CD9: variants seen among roughly 807,000 people sequenced by gnomAD.
CD9 encodes CD9 antigen.
CD9 carries 10 observed loss-of-function variants against 31.4 expected under a neutral mutation model. The ratio of observed to expected loss-of-function variants is 0.32; its 90% CI spans 0.20 to 0.54. The LOEUF is 0.54. Ranked by LOEUF, CD9 falls within the 20% of genes least tolerant of loss-of-function variation. The probability of loss-of-function intolerance (pLI) is 0.94; values close to 1 mark genes in which losing one functional copy is unlikely to be tolerated. For missense variants in CD9, 259 were observed against 300.1 expected (o/e 0.86, Z 1.01); for synonymous variants, 113 against 114.1 (o/e 0.99, Z 0.06).
chr12:6,224,244 T>C (rs1344365643), intron 1 of CD9, among the ~76,000 whole-genome samples: 1 of 152,200 alleles, frequency 6.6e-6, no homozygotes, highest in Non-Finnish European at 1.5e-5. Flanking sequence ...GGGCCGCATC[T>C]CACAATCCCT....
intron 2 of CD9, among the ~76,000 whole-genome samples, chr12:6,231,534 AG>A (rs2136634650): frequency 6.6e-6 from 1 of 152,330 alleles, no homozygotes; most frequent in Non-Finnish European, 1.5e-5. Context: ...TTAAGGGAAT[AG>A]TCCCTGCAGG....
rs11568209 is a variant in CD9, at chr12:6,210,925, C to A, written c.66+10360C>A. ...GGTCTTGGGTCACTGCAACCTCTGC[C>A]TCCTGGGTTCAAGCGATTGAACAGC... On this transcript the variant is annotated intron_variant, in intron 1 of 7. Transcript: ENST00000009180. 2.4e-3 allele frequency among the ~76,000 whole-genome samples: 358 copies of A among 151,690 alleles called. 8 individuals carry two copies. In the East Asian group the frequency reaches 0.049, roughly 21 times the overall value.
At chr12:6,230,644 G>C (rs1483805609) in intron 2 of CD9, among the ~76,000 whole-genome samples, 1 of 152,190 alleles carries the variant, frequency 6.6e-6, no homozygotes, top group Non-Finnish European at 1.5e-5. Flanking sequence ...CCTTTCTACT[G>C]TCCCCATGTG....
At chr12:6,231,000 C>T (rs1377960642) in intron 2 of CD9, among the ~76,000 whole-genome samples, 1 of 152,204 alleles carries the variant, frequency 6.6e-6, no homozygotes, top group Non-Finnish European at 1.5e-5. Flanking sequence ...CCTGCAAAGT[C>T]TCACCCCTGC....
intron 1 of CD9, among the ~76,000 whole-genome samples, chr12:6,222,518 G>T (rs891699474): frequency 3.3e-5 from 5 of 152,214 alleles, no homozygotes; most frequent in African/African-American, 1.2e-4. Flanking sequence ...ATGATGTAAG[G>T]TTTAAGGTGG....
At chr12:6,233,877 C>CAAGT (rs1404930156) in intron 4 of CD9, among the ~76,000 whole-genome samples, 14 of 151,036 alleles carry the variant, frequency 9.3e-5, no homozygotes, top group African/African-American at 3.2e-4. Context: ...ATAACATGTT[C>CAAGT]AAGTGCTGCC....
At position 6,200,615 on chromosome 12, in the gene CD9, G is replaced by C. The variant is rs144230931; in HGVS notation, c.66+50G>C. On this transcript the variant is annotated intron_variant, in intron 1 of 7. Transcript: ENST00000009180. ...CTCCTCTCAGGGCCCACCTGTTCGC[G>C]GGCCCCGGACACTGGCCGCGGCCGC... The C allele has an allele frequency of 9.9e-3, 13,291 of 1,341,530 alleles. 160 individuals carry two copies. The highest frequency in any genetic ancestry group is 0.043 in the Middle Eastern group (236 of 5,484). The allele number at this position is 1,341,530 out of a possible 1,614,324, so 83.1% of individuals were successfully genotyped here.
chr12:6,216,985 T>G (rs952161004), intron 1 of CD9, among the ~76,000 whole-genome samples: 5 of 152,196 alleles, frequency 3.3e-5, no homozygotes, highest in African/African-American at 1.2e-4. Context: ...TTTAATCCTC[T>G]CCTTCAACCT....
intron 1 of CD9, among the ~76,000 whole-genome samples, chr12:6,210,226 G>A (rs546004335): frequency 2.6e-5 from 4 of 152,324 alleles, no homozygotes; most frequent in South Asian, 4.1e-4. Context: ...CTGTTTTCAC[G>A]GGGGATGGAA....
rs1276738522 is a variant in CD9, at chr12:6,232,664, A to G, written c.208A>G (p.Met70Val). Residue 70 changes from methionine (M) to valine (V), a missense_variant, in exon 3 of 8, where the codon ATG becomes GTG. Coordinates refer to ENST00000009180, the MANE Select transcript of CD9 (RefSeq NM_001769.4). The surrounding 1 kb of genome is among the most constrained non-coding windows in gnomAD (Gnocchi z 4.8). The stretch of plus-strand genomic sequence containing the variant: ...TATTCTGATCGGAGCCGGCGCCCTC[A>G]TGATGCTGGTGGGCTTCCTGGGCTG... ...VYILIGAGAL[M>V]MLVGFLGCCG... 1.3e-6 allele frequency: 2 copies of G among 1,581,640 alleles called. No homozygotes were observed. Among genetic ancestry groups the G allele is most frequent in the Non-Finnish European group, 1.7e-6 (2 of 1,166,418 alleles).
At chr12:6,220,714 T>C (rs1329785906) in intron 1 of CD9, among the ~76,000 whole-genome samples, 1 of 152,218 alleles carries the variant, frequency 6.6e-6, no homozygotes, top group Non-Finnish European at 1.5e-5. Context: ...TTCTTTATTA[T>C]TGTTTTATAC....
chr12:6,233,455 C>A lies in CD9; in HGVS notation c.317C>A (p.Ala106Glu). 2 of 1,613,980 alleles carry A rather than the reference C, an allele frequency of 1.2e-6. No individual in the cohort carries two copies. The highest frequency in any genetic ancestry group is 1.1e-5 in the South Asian group (1 of 91,072). The change falls in exon 4 of 8, where the codon GCG becomes GAG. Residue 106 changes from alanine (A) to glutamate (E), a missense_variant. Physicochemically the swap from Ala to Glu is moderately radical, Grantham distance 107. Coordinates refer to ENST00000009180, the MANE Select transcript of CD9 (RefSeq NM_001769.4). ...LLVIFAIEIA[A>E]AIWGYSHKDE... ...GTGATATTCGCCATTGAAATAGCTG[C>A]GGCCATCTGGGGATATTCCCACAAG...
At chr12:6,225,581 A>C in intron 2 of CD9, 47 bp downstream of exon 2, 1 of 1,267,038 alleles carries the variant, frequency 7.9e-7, no homozygotes, top group Non-Finnish European at 1.2e-6. Flanking sequence ...GGCTCCAACA[A>C]AGTTCCTGCA....
chr12:6,207,436 A>G (rs1946145129), intron 1 of CD9, among the ~76,000 whole-genome samples: 1 of 152,244 alleles, frequency 6.6e-6, no homozygotes, highest in Non-Finnish European at 1.5e-5. Context: ...ATCATTGCCT[A>G]AGGAGTGGTT....
chr12:6,222,241 G>C (rs183479576), intron 1 of CD9, among the ~76,000 whole-genome samples: 3 of 152,174 alleles, frequency 2.0e-5, no homozygotes, highest in Middle Eastern at 3.2e-3. Context: ...GGCAGCTGAT[G>C]GTTCACATAG....
intron 1 of CD9, among the ~76,000 whole-genome samples, chr12:6,207,135 G>T (rs1435633843): frequency 2.6e-5 from 4 of 152,094 alleles, no homozygotes; most frequent in Non-Finnish European, 5.9e-5. Context: ...TTCAGCCTCG[G>T]ACTCCCAAAG....
chr12:6,232,973 G>C lies in CD9; in HGVS notation c.273+244G>C, dbSNP rs1946469426. The C allele has an allele frequency of 2.8e-6, 2 of 702,268 alleles. No individual in the cohort carries two copies. Among genetic ancestry groups the C allele is most frequent in the South Asian group, 1.5e-5 (1 of 67,592 alleles). The allele number at this position is 702,268 out of a possible 1,614,324, so 43.5% of individuals were successfully genotyped here. On this transcript the variant is annotated intron_variant, in intron 3 of 7. Coordinates refer to ENST00000009180, the MANE Select transcript of CD9 (RefSeq NM_001769.4). The surrounding 1 kb of genome is among the most constrained non-coding windows in gnomAD (Gnocchi z 4.8). ...GACTATGTTTCCCCCTTTTCTCGAG[G>C]ACCACGTTTGCTTTTTTTCCCTGAA...
In CD9 at chr12:6,218,651, A is replaced by G. The variant is rs148372275; in HGVS notation, c.67-6775A>G. Among the ~76,000 whole-genome samples, 11 of 152,292 alleles carry G rather than the reference A, an allele frequency of 7.2e-5. No homozygotes were observed. The East Asian group carries it at 2.1e-3, about 29-fold the overall frequency. On this transcript the variant is annotated intron_variant, in intron 1 of 7. Transcript: ENST00000009180. ...GTTTAATCCTCCTTTGAAATTGGAAATGTTTCCTGTAACTCCAGGTGTGTG... is the reference window on the plus strand; with the variant it reads ...GTTTAATCCTCCTTTGAAATTGGAAGTGTTTCCTGTAACTCCAGGTGTGTG...
At chr12:6,234,841 T>C (rs1946494599) in intron 4 of CD9, among the ~76,000 whole-genome samples, 1 of 152,208 alleles carries the variant, frequency 6.6e-6, no homozygotes, top group Non-Finnish European at 1.5e-5. Context: ...CCAAAACTCA[T>C]ACCTAAGTGA....
Sources: gnomAD v4.1 joint callset for allele counts (sites outside exome capture counted in the v4.1 genomes callset) on GRCh38, gnomAD v4.1.1 for gene constraint, Gnocchi (gnomAD v3.1) non-coding constraint, MANE v1.5 for transcripts, NCBI Gene and HGNC (gene_info 2026-07-23, HGNC 2026-07-21) for gene names.